Variants in PEX5 observed in about 807,000 individuals in gnomAD.
The protein encoded by PEX5 is peroxisomal biogenesis factor 5, also known as PTS1 receptor.
Under a neutral mutation model 82.9 loss-of-function variants are expected in PEX5, and 52 were observed. That is an observed-to-expected ratio of 0.63 (90% confidence interval 0.50 to 0.79). The LOEUF is 0.79. PEX5 is among the 30% of genes least tolerant of loss of function. PEX5 has a pLI of 0.00. For missense variants in PEX5, 719 were observed against 815.2 expected (o/e 0.88, Z 1.44); for synonymous variants, 300 against 318.8 (o/e 0.94, Z 0.63).
Position 7,209,083 on chromosome 12 carries a change from G to C in PEX5, c.1473G>C (p.Gln491His). Residue 491 changes from glutamine to histidine, a missense_variant, in exon 14 of 16, where the codon CAG becomes CAC. Gln to His is a conservative substitution (Grantham distance 24). Coordinates refer to ENST00000675855, the MANE Select transcript of PEX5 (RefSeq NM_001351132.2). ...CTACCTCCATTGACCCTGATGTGCA[G>C]TGTGGCTTGGGAGTCCTTTTCAACC... ...LDPTSIDPDV[Q>H]CGLGVLFNLS... 6.2e-7 allele frequency: 1 copy of C among 1,614,158 alleles called. No homozygotes were observed. The highest frequency in any genetic ancestry group is 8.5e-7 in the Non-Finnish European group (1 of 1,179,998).
downstream of PEX5, among the ~76,000 whole-genome samples, chr12:7,213,880 G>GA (rs960681756): frequency 5.3e-5 from 8 of 151,140 alleles, no homozygotes; most frequent in Non-Finnish European, 8.9e-5. Flanking sequence ...AAATTTACAA[G>GA]AAAAAAACAA....
upstream of PEX5, chr12:7,189,567 T>A (rs1374886992): frequency 9.0e-6 from 2 of 223,004 alleles, no homozygotes; most frequent in Non-Finnish European, 1.7e-5. Flanking sequence ...GCTCTTCCCG[T>A]CAGGCTGCGT....
chr12:7,191,755 C>T (rs1591651448), intron 5 of PEX5, 55 bp downstream of exon 5: 3 of 1,513,612 alleles, frequency 2.0e-6, no homozygotes, highest in East Asian at 2.3e-5. Context: ...GAATTCTATA[C>T]CCTTCCCCTG....
At chr12:7,201,124 CATGT>C (rs1378006622) in intron 6 of PEX5, among the ~76,000 whole-genome samples, 1 of 146,560 alleles carries the variant, frequency 6.8e-6, no homozygotes, top group Non-Finnish European at 1.5e-5. Flanking sequence ...AAAGCGCATG[CATGT>C]GTGCGTGCAC....
Position 7,197,215 on chromosome 12 carries a change from T to TGTAATTATATATGTCATATATAATGTA in PEX5, c.449-1777_449-1776insATAATGTAGTAATTATATATGTCATAT, listed in dbSNP as rs1565686985. On this transcript the variant is annotated intron_variant, in intron 5 of 15. Transcript: ENST00000675855. Reference sequence around the variant, plus strand: ...ATGTAATTATATATGTCATATATAATGTAATTATATATGTCATATGTAATA... The same window carrying TGTAATTATATATGTCATATATAATGTA: ...ATGTAATTATATATGTCATATATAATGTAATTATATATGTCATATATAATGTAGTAATTATATATGTCATATGTAATA... Among the ~76,000 whole-genome samples, 52 of 71,978 alleles carry TGTAATTATATATGTCATATATAATGTA rather than the reference T, an allele frequency of 7.2e-4. 19 individuals carry two copies. The highest frequency in any genetic ancestry group is 1.1e-3 in the South Asian group (2 of 1,800). The allele number at this position is 71,978 out of a possible 152,430, so 47.2% of individuals were successfully genotyped here.
Position 7,210,516 on chromosome 12 carries a change from C to T in PEX5, c.*293C>T. 1 of 521,140 alleles carries T rather than the reference C, an allele frequency of 1.9e-6. No homozygotes were observed. The allele number at this position is 521,140 out of a possible 1,614,324, so 32.3% of individuals were successfully genotyped here. ...TTGGTGCTGCTTTTTGGGTAGGACC[C>T]CACGATTTAGGGTAACTGTTATCAT... On this transcript the variant is annotated 3_prime_UTR_variant, in exon 16 of 16. Coordinates refer to ENST00000675855, the MANE Select transcript of PEX5 (RefSeq NM_001351132.2).
chr12:7,189,962 T>A, intron 1 of PEX5: 2 of 1,493,336 alleles, frequency 1.3e-6, no homozygotes, highest in Non-Finnish European at 1.8e-6. Flanking sequence ...CACCGCGTGC[T>A]GGGGCTGCGC....
chr12:7,210,554 C>T lies in PEX5; in HGVS notation c.*331C>T. ...TAACTGTTATCATCAGCTGCCATTTCTGATAGGGTCTACCACATCTGTAAT... is the reference window on the plus strand; with the variant it reads ...TAACTGTTATCATCAGCTGCCATTTTTGATAGGGTCTACCACATCTGTAAT... On this transcript the variant is annotated 3_prime_UTR_variant, in exon 16 of 16. Coordinates refer to ENST00000675855, the MANE Select transcript of PEX5 (RefSeq NM_001351132.2). 2 of 438,402 alleles carry T rather than the reference C, an allele frequency of 4.6e-6. No homozygotes were observed. Among genetic ancestry groups the T allele is most frequent in the Non-Finnish European group, 8.5e-6 (2 of 233,946 alleles). The allele number at this position is 438,402 out of a possible 1,614,324, so 27.2% of individuals were successfully genotyped here. A position where few individuals can be genotyped will look rare whatever the true frequency, so the allele number is the denominator to read the frequency against.
rs1565688402 is a variant in PEX5, at chr12:7,197,365, T to TTATATATGTCATATACAATGTAA, written c.449-1643_449-1621dup. On this transcript the variant is annotated intron_variant, in intron 5 of 15. Coordinates refer to ENST00000675855, the MANE Select transcript of PEX5 (RefSeq NM_001351132.2). ...ATATATGTCATATACAATGTAATAA[T>TTATATATGTCATATACAATGTAA]TATATATGTCATATACAATGTAATA... 1.0e-3 allele frequency among the ~76,000 whole-genome samples: 64 copies of TTATATATGTCATATACAATGTAA among 62,024 alleles called. 2 individuals are homozygous for TTATATATGTCATATACAATGTAA. Among genetic ancestry groups the TTATATATGTCATATACAATGTAA allele is most frequent in the African/African-American group, 5.3e-3 (59 of 11,054 alleles). 40.7% of individuals were successfully genotyped at this position (62,024 alleles called of 152,430 possible). A position where few individuals can be genotyped will look rare whatever the true frequency, so the allele number is the denominator to read the frequency against.
intron 10 of PEX5, among the ~76,000 whole-genome samples, chr12:7,206,844 T>C (rs528187349): frequency 2.6e-5 from 4 of 152,246 alleles, no homozygotes; most frequent in Admixed American, 6.5e-5. Flanking sequence ...TATTTTATGA[T>C]GGTAACTACT....
rs966481664 is a variant in PEX5, at chr12:7,196,460, T to C, written c.449-2551T>C. ...TATATAATGTAATAATTATGTGTCA[T>C]ATATAATGTAATAATTACATCATAT... is the stretch of plus-strand genomic sequence containing the variant. On this transcript the variant is annotated intron_variant, in intron 5 of 15. Coordinates refer to ENST00000675855, the MANE Select transcript of PEX5 (RefSeq NM_001351132.2). Among the ~76,000 whole-genome samples, 39 of 136,724 alleles carry C rather than the reference T, an allele frequency of 2.9e-4. 2 individuals carry two copies. The highest frequency in any genetic ancestry group is 9.9e-4 in the African/African-American group (38 of 38,340). 89.7% of individuals were successfully genotyped at this position (136,724 alleles called of 152,430 possible). A position where few individuals can be genotyped will look rare whatever the true frequency, so the allele number is the denominator to read the frequency against.
chr12:7,215,449 A>G (rs747857817), downstream of PEX5, among the ~76,000 whole-genome samples: 3 of 152,344 alleles, frequency 2.0e-5, no homozygotes, highest in South Asian at 6.2e-4. Flanking sequence ...TCATATGTTC[A>G]TTGCAGCAGT....
intron 5 of PEX5, among the ~76,000 whole-genome samples, chr12:7,197,376 A>G: frequency 1.4e-5 from 2 of 142,432 alleles, no homozygotes; most frequent in Non-Finnish European, 3.0e-5. Flanking sequence ...TATATATGTC[A>G]TATACAATGT....
chr12:7,195,225 C>G (rs1183651499), intron 5 of PEX5, among the ~76,000 whole-genome samples: 1 of 152,158 alleles, frequency 6.6e-6, no homozygotes, highest in Admixed American at 6.5e-5. Context: ...ATATGAGGTG[C>G]ACATTTTGAG....
chr12:7,194,039 G>T (rs1941664899), intron 5 of PEX5, among the ~76,000 whole-genome samples: 2 of 152,096 alleles, frequency 1.3e-5, no homozygotes, highest in South Asian at 4.1e-4. Context: ...TTGAGATCTG[G>T]GAGAAAAAGC....
rs200200700 is a variant in PEX5 at position 7,203,544 on chromosome 12, A to G, written c.959A>G (p.Tyr320Cys). ...SDYDDLTSAT[Y>C]DKGYQFEEEN... is the part of the protein sequence containing the mutation. ...TATGATGACCTTACGTCAGCTACCT[A>G]TGATAAGGTGAGGTAAAAACTCTTA... The change falls in exon 10 of 16, where the codon TAT becomes TGT. Residue 320 changes from tyrosine (Y) to cysteine (C), a missense_variant. Coordinates refer to ENST00000675855, the MANE Select transcript of PEX5 (RefSeq NM_001351132.2). 7.4e-6 allele frequency: 12 copies of G among 1,613,746 alleles called. No individual in the cohort carries two copies. The East Asian group carries it at 1.3e-4, about 18-fold the overall frequency.
Position 7,191,691 on chromosome 12 carries a change from G to T in PEX5, c.439G>T (p.Glu147Ter), listed in dbSNP as rs1242924744. ...TGACTGGTCCCAAGAATTCATCTCT[G>T]AAGTTACAGGTGAAACTTGTTATGG... is the stretch of plus-strand genomic sequence containing the variant. Reference protein sequence around the residue: ...ETDWSQEFISEVTDPLSVSPA... With the variant: ...ETDWSQEFIS Residue 147 changes from glutamate (E) to a stop codon, truncating the protein, a stop_gained, in exon 5 of 16, where the codon GAA (glutamate) becomes TAA (stop). Coordinates refer to ENST00000675855, the MANE Select transcript of PEX5 (RefSeq NM_001351132.2). LOFTEE classifies it high-confidence loss of function. The T allele has an allele frequency of 6.2e-7, 1 of 1,613,774 alleles. No homozygotes were observed. The highest frequency in any genetic ancestry group is 1.1e-5 in the South Asian group (1 of 91,064).
At chr12:7,199,770 A>G (rs1391728435) in intron 6 of PEX5, among the ~76,000 whole-genome samples, 1 of 150,638 alleles carries the variant, frequency 6.6e-6, no homozygotes, top group Non-Finnish European at 1.5e-5. Flanking sequence ...CTCACTTCCC[A>G]GTAGGGGCGG....
chr12:7,215,408 G>T (rs1945749426), downstream of PEX5, among the ~76,000 whole-genome samples: 1 of 152,046 alleles, frequency 6.6e-6, no homozygotes, highest in Non-Finnish European at 1.5e-5. Context: ...ACCCAAAGGA[G>T]AATAAATCAC....
Sources: allele counts gnomAD v4.1 joint callset (sites outside exome capture counted in the v4.1 genomes callset), GRCh38; gene constraint gnomAD v4.1.1; transcripts MANE v1.5; gene names NCBI Gene and HGNC (gene_info 2026-07-23, HGNC 2026-07-21).